PHF21B: variants seen among roughly 807,000 people sequenced by gnomAD.
PHF21B encodes PHD finger protein 4.
In PHF21B, 22 loss-of-function variants were observed where a neutral mutation model predicts 62.2. The observed-to-expected ratio is 0.35, with a 90% CI of 0.25 to 0.51. The LOEUF is 0.51. PHF21B is among the 20% of genes least tolerant of loss of function. PHF21B has a pLI of 0.97. For synonymous variants in PHF21B, 341 were observed against 314.7 expected (o/e 1.08, Z -0.88); for missense variants, 701 against 707.9 (o/e 0.99, Z 0.11).
chr22:44,932,573 A>G (rs1419971534), intron 2 of PHF21B, among the ~76,000 whole-genome samples: 2 of 152,218 alleles, frequency 1.3e-5, no homozygotes. Flanking sequence ...TAATTCCCAC[A>G]AAAGATGGGT....
rs572508004 is a variant in PHF21B at position 44,895,007 on chromosome 22, C to CG, written c.883+1024dup. Among the ~76,000 whole-genome samples, 401 of 152,360 alleles carry CG rather than the reference C, an allele frequency of 2.6e-3. 1 individual carries two copies. The highest frequency in any genetic ancestry group is 5.1e-3 in the Non-Finnish European group (347 of 68,036). ...AAGACTGCTAGTGCCTCGGGCACCG[C>CG]GGGGGTTCACTTCATTCCCTCTTGC... is the stretch of plus-strand genomic sequence containing the variant. On this transcript the variant is annotated intron_variant, in intron 6 of 12. Transcript: ENST00000313237.
chr22:44,956,394 C>T lies in PHF21B; in HGVS notation c.121-35904G>A, dbSNP rs142077485. ...CTTTTCCTCATTACTCAACACTTAA[C>T]GGGGTGACAGCCTGGATTAAACAGT... On this transcript the variant is annotated intron_variant, in intron 2 of 12. Transcript: ENST00000313237. 4.1e-4 allele frequency among the ~76,000 whole-genome samples: 63 copies of T among 152,306 alleles called. 4 individuals are homozygous for T. In the South Asian group the frequency reaches 0.012, roughly 29 times the overall value.
At chr22:44,908,049 G>A (rs570170061) in intron 5 of PHF21B, among the ~76,000 whole-genome samples, 22 of 152,324 alleles carry the variant, frequency 1.4e-4, no homozygotes, top group Non-Finnish European at 2.9e-5. Context: ...CTGTAAGTGG[G>A]AAAATCAGGG....
intron 2 of PHF21B, among the ~76,000 whole-genome samples, chr22:44,957,250 G>T (rs2072319091): frequency 6.6e-6 from 1 of 152,262 alleles, no homozygotes; most frequent in African/African-American, 2.4e-5. Context: ...GCCTCAGAGG[G>T]TCAGGCACCG....
intron 2 of PHF21B, among the ~76,000 whole-genome samples, chr22:44,941,060 C>A (rs568815637): frequency 3.3e-4 from 50 of 152,360 alleles, no homozygotes; most frequent in Non-Finnish European, 6.8e-4. Flanking sequence ...ATCCACAGCA[C>A]CCCGCAGCGC....
At chr22:44,949,938 CTGT>C (rs1277484691) in intron 2 of PHF21B, among the ~76,000 whole-genome samples, 7 of 152,202 alleles carry the variant, frequency 4.6e-5, no homozygotes, top group Non-Finnish European at 8.8e-5. Context: ...TTCCAAAACG[CTGT>C]TAAGTTCAGG....
chr22:44,944,931 G>A (rs979944582), intron 2 of PHF21B, among the ~76,000 whole-genome samples: 2 of 152,238 alleles, frequency 1.3e-5, no homozygotes, highest in African/African-American at 4.8e-5. Context: ...CCTTCCTGCC[G>A]CAGTCCTGAG....
chr22:44,990,191 C>T (rs533083859), intron 2 of PHF21B, among the ~76,000 whole-genome samples: 33 of 152,304 alleles, frequency 2.2e-4, no homozygotes, highest in East Asian at 1.7e-3. Context: ...TGATGGAACA[C>T]GGTCACCCCT....
At chr22:44,975,717 G>T (rs11090716) in intron 2 of PHF21B, among the ~76,000 whole-genome samples, 1 of 152,142 alleles carries the variant, frequency 6.6e-6, no homozygotes, top group African/African-American at 2.4e-5. Flanking sequence ...CAGTAAAGAG[G>T]CTGCCCTGAG....
At chr22:44,991,808 C>T (rs1569278918) in intron 2 of PHF21B, among the ~76,000 whole-genome samples, 1 of 152,242 alleles carries the variant, frequency 6.6e-6, no homozygotes, top group Non-Finnish European at 1.5e-5. Flanking sequence ...CCTGGGGACA[C>T]GGGACAATGG....
chr22:44,908,448 C>T lies in PHF21B; in HGVS notation c.831+5374G>A, dbSNP rs570110246. On this transcript the variant is annotated intron_variant, in intron 5 of 12. Transcript: ENST00000313237. ...TGAGAGCTACTGAAATATTTCTCCC[C>T]ATGGTGCATGGGTCACTCTGGGACA... Among the ~76,000 whole-genome samples the T allele has an allele frequency of 2.6e-3, 402 of 152,250 alleles. 2 individuals carry two copies. Among genetic ancestry groups the T allele is most frequent in the African/African-American group, 9.3e-3 (388 of 41,526 alleles).
At chr22:44,982,378 A>G (rs1411965293) in intron 2 of PHF21B, among the ~76,000 whole-genome samples, 1 of 152,170 alleles carries the variant, frequency 6.6e-6, no homozygotes, top group East Asian at 1.9e-4. Flanking sequence ...CCTTGCCATC[A>G]CCTACGTGCA....
intron 2 of PHF21B, among the ~76,000 whole-genome samples, chr22:44,997,002 T>C (rs1569282391): frequency 1.3e-5 from 2 of 152,164 alleles, no homozygotes; most frequent in African/African-American, 2.4e-5. Flanking sequence ...CCACTCCACG[T>C]CACGCATTAT....
chr22:44,921,769 C>A (rs1387265992), intron 2 of PHF21B, among the ~76,000 whole-genome samples: 2 of 152,086 alleles, frequency 1.3e-5, no homozygotes, highest in African/African-American at 4.8e-5. Context: ...AGTGATTCTC[C>A]CGCCTCAGCC....
At chr22:44,948,024 C>CCCTCCTCCCCGCTGT in intron 2 of PHF21B, among the ~76,000 whole-genome samples, 2 of 39,332 alleles carry the variant, frequency 5.1e-5, no homozygotes, top group African/African-American at 1.2e-4. Flanking sequence ...CTCCCCACTG[C>CCCTCCTCCCCGCTGT]TGTCCCGTTC....
At position 44,898,360 on chromosome 22, in the gene PHF21B, G is replaced by A. The variant is rs1036210808; in HGVS notation, c.832-2277C>T. ...CACCTTCTCATCACATCGCAGCAAG[G>A]GCGTAGACCACCCACCTGACTCATA... On this transcript the variant is annotated intron_variant, in intron 5 of 12. Coordinates refer to ENST00000313237, the MANE Select transcript of PHF21B (RefSeq NM_138415.5). Among the ~76,000 whole-genome samples the A allele has an allele frequency of 2.0e-5, 3 of 152,096 alleles. No homozygotes were observed. The East Asian group carries it at 5.8e-4, about 29-fold the overall frequency.
intron 2 of PHF21B, among the ~76,000 whole-genome samples, chr22:44,962,013 T>C (rs1454751559): frequency 6.6e-6 from 1 of 152,186 alleles, no homozygotes. Context: ...AATCCACTAC[T>C]GATGGGCAGT....
Position 44,893,463 on chromosome 22 carries a change from C to T in PHF21B, c.954G>A (p.Glu318=). 2 of 1,597,526 alleles carry T rather than the reference C, an allele frequency of 1.3e-6. No individual in the cohort carries two copies. Among genetic ancestry groups the T allele is most frequent in the African/African-American group, 1.3e-5 (1 of 74,846 alleles). ...GGGCTGGCGGGTTCCCCACCTCGGT[C>T]TCCAGGAGGCCGCTGTAGGCAGGGT... ...TANPAYSGLL[E]TERKRLASNY... Residue 318 remains glutamate, a synonymous_variant, in exon 7 of 13, where the codon GAG becomes GAA. Coordinates refer to ENST00000313237, the MANE Select transcript of PHF21B (RefSeq NM_138415.5).
chr22:44,920,507 G>A lies in PHF21B; in HGVS notation c.121-17C>T. 1 of 1,592,530 alleles carries A rather than the reference G, an allele frequency of 6.3e-7. No homozygotes were observed. Reference sequence around the variant, plus strand: ...TCCCAAAGCCTGAAACATACAGGAGGGCAACGCTGAGACAGGAGGAGCAGC... The same window carrying A: ...TCCCAAAGCCTGAAACATACAGGAGAGCAACGCTGAGACAGGAGGAGCAGC... On this transcript the variant is annotated splice_polypyrimidine_tract_variant and intron_variant, in intron 2 of 12. Transcript: ENST00000313237.
Sources: gnomAD v4.1 joint callset for allele counts (sites outside exome capture counted in the v4.1 genomes callset) on GRCh38, gnomAD v4.1.1 for gene constraint, MANE v1.5 for transcripts, NCBI Gene and HGNC (gene_info 2026-07-23, HGNC 2026-07-21) for gene names.